WDR72: variants seen among roughly 807,000 people sequenced by gnomAD.
WDR72 encodes WD repeat-containing protein 72.
WDR72 carries 120 observed loss-of-function variants against 124.2 expected under a neutral mutation model. The observed-to-expected ratio is 0.97, with a 90% CI of 0.83 to 1.12. The LOEUF (loss-of-function observed/expected upper bound fraction) is 1.12, where lower values mean the gene tolerates loss of function less well. WDR72 is among the 50% of genes most tolerant of loss of function. The probability of loss-of-function intolerance (pLI) is 0.00; values close to 1 mark genes in which losing one functional copy is unlikely to be tolerated. For synonymous variants in WDR72, 452 were observed against 441.7 expected, an observed-to-expected ratio of 1.02 and a Z score of -0.29; for missense variants, 1,387 against 1,278.8, an observed-to-expected ratio of 1.08 and a Z score of -1.29.
chr15:53,682,064 T>C (rs2016408112), intron 13 of WDR72, among the ~76,000 whole-genome samples: 1 of 152,208 alleles, frequency 6.6e-6, no homozygotes, highest in African/African-American at 2.4e-5. Flanking sequence ...TGTGCCTGTT[T>C]TGTTGACAGC....
chr15:53,523,330 AAGAGAGAGAG>A lies in WDR72; in HGVS notation c.3149-18_3149-9del. 6.3e-7 allele frequency: 1 copy of A among 1,574,982 alleles called. No individual in the cohort carries two copies. Among genetic ancestry groups the A allele is most frequent in the South Asian group, 1.1e-5 (1 of 89,706 alleles). ...TGACCGGGCTGACTGGAGCTATTAA[AAGAGAGAGAG>A]AGAGAGAGAGAGACAGAAGAGAGAG... is the stretch of plus-strand genomic sequence containing the variant. On this transcript the variant is annotated splice_polypyrimidine_tract_variant and intron_variant, in intron 18 of 19. Transcript: ENST00000360509.
chr15:53,605,388 G>A (rs1230476499), intron 17 of WDR72, among the ~76,000 whole-genome samples: 1 of 152,140 alleles, frequency 6.6e-6, no homozygotes, highest in Non-Finnish European at 1.5e-5. Flanking sequence ...CTACTAATGA[G>A]TACTAGGCTT....
intron 1 of WDR72, among the ~76,000 whole-genome samples, chr15:53,742,321 A>G (rs1022788546): frequency 1.3e-5 from 2 of 152,216 alleles, no homozygotes; most frequent in Non-Finnish European, 1.5e-5. Flanking sequence ...AAAACTCTCT[A>G]TAGAATCTCT....
At chr15:53,679,163 C>G (rs1251725197) in intron 13 of WDR72, among the ~76,000 whole-genome samples, 1 of 152,086 alleles carries the variant, frequency 6.6e-6, no homozygotes, top group Non-Finnish European at 1.5e-5. Context: ...TGGGAAAGGA[C>G]AAATGGGGCA....
At chr15:53,702,058 T>C in intron 12 of WDR72, 76 bp downstream of exon 12, 1 of 1,150,294 alleles carries the variant, frequency 8.7e-7, no homozygotes, top group Non-Finnish European at 1.2e-6. Context: ...ATGGGTCATT[T>C]TTACTTGTCT....
rs140660845 is a variant in WDR72, at chr15:53,644,126, A to T, written c.1962+21446T>A. Among the ~76,000 whole-genome samples the T allele has an allele frequency of 2.2e-4, 33 of 152,278 alleles. No homozygotes were observed. The Middle Eastern group carries it at 0.01, about 47-fold the overall frequency. ...CAGCCTTGAAATCAAGTGATCCTTG[A>T]GTAAATTTAAATATTTGAGAGGGTA... On this transcript the variant is annotated intron_variant, in intron 14 of 19. Transcript: ENST00000360509.
At chr15:53,644,576 G>A (rs927158369) in intron 14 of WDR72, among the ~76,000 whole-genome samples, 1 of 151,918 alleles carries the variant, frequency 6.6e-6, no homozygotes, top group Non-Finnish European at 1.5e-5. Flanking sequence ...ATCTTGCAAA[G>A]ATATGAAAAA....
chr15:53,730,038 A>C (rs1328201656), intron 2 of WDR72, among the ~76,000 whole-genome samples: 1 of 152,252 alleles, frequency 6.6e-6, no homozygotes, highest in East Asian at 1.9e-4. Flanking sequence ...AAGAGTTGAA[A>C]GCAAGGATAC....
intron 18 of WDR72, among the ~76,000 whole-genome samples, chr15:53,550,319 G>T (rs998879675): frequency 8.5e-5 from 13 of 152,292 alleles, no homozygotes; most frequent in Non-Finnish European, 1.6e-4. Context: ...GATGGGTGTG[G>T]TTGTGTTCCA....
At chr15:53,594,698 A>G (rs2012684055) in intron 18 of WDR72, among the ~76,000 whole-genome samples, 1 of 150,976 alleles carries the variant, frequency 6.6e-6, no homozygotes, top group Non-Finnish European at 1.5e-5. Context: ...AAGCTGACGC[A>G]GGAGGATCAT....
intron 16 of WDR72, among the ~76,000 whole-genome samples, chr15:53,612,645 G>A (rs1416214862): frequency 1.3e-5 from 2 of 152,060 alleles, no homozygotes; most frequent in Admixed American, 6.6e-5. Flanking sequence ...GGGTGTATAT[G>A]TGATGACATA....
At position 53,659,945 on chromosome 15, in the gene WDR72, T is replaced by C. The variant is rs557158200; in HGVS notation, c.1962+5627A>G. 2.1e-3 allele frequency among the ~76,000 whole-genome samples: 326 copies of C among 152,200 alleles called. 1 individual carries two copies. Among genetic ancestry groups the C allele is most frequent in the African/African-American group, 7.6e-3 (317 of 41,564 alleles). ...TAAGTTGAGATTCACCAAATCAAAATACTTAAAACAGAAATCTTAATCCAA... is the reference window on the plus strand; with the variant it reads ...TAAGTTGAGATTCACCAAATCAAAACACTTAAAACAGAAATCTTAATCCAA... On this transcript the variant is annotated intron_variant, in intron 14 of 19. Coordinates refer to ENST00000360509, the MANE Select transcript of WDR72 (RefSeq NM_182758.4).
chr15:53,629,721 C>T (rs1269589820), intron 14 of WDR72, among the ~76,000 whole-genome samples: 1 of 152,058 alleles, frequency 6.6e-6, no homozygotes, highest in Admixed American at 6.6e-5. Context: ...CAGTGAGTGT[C>T]CTAGCATTTT....
intron 18 of WDR72, among the ~76,000 whole-genome samples, chr15:53,588,689 G>A (rs2012345543): frequency 6.6e-6 from 1 of 152,008 alleles, no homozygotes; most frequent in East Asian, 1.9e-4. Flanking sequence ...CTGCTGAGAA[G>A]ACAAAGCTCT....
At position 53,623,479 on chromosome 15, in the gene WDR72, T is replaced by TTATATATA. The variant is rs139646158; in HGVS notation, c.1963-7244_1963-7237dup. Among the ~76,000 whole-genome samples, 388 of 149,490 alleles carry TTATATATA rather than the reference T, an allele frequency of 2.6e-3. 2 individuals carry two copies. Among genetic ancestry groups the TTATATATA allele is most frequent in the African/African-American group, 9.0e-3 (364 of 40,602 alleles). On this transcript the variant is annotated intron_variant, in intron 14 of 19. Coordinates refer to ENST00000360509, the MANE Select transcript of WDR72 (RefSeq NM_182758.4). Reference sequence around the variant, plus strand: ...TTTTTTATGGCTAAATAGCATTATATTATATATATATATATACACACATAC... The same window carrying TTATATATA: ...TTTTTTATGGCTAAATAGCATTATATTATATATATATATATATATATATACACACATAC...
At chr15:53,621,317 A>T (rs1052428252) in intron 14 of WDR72, among the ~76,000 whole-genome samples, 1 of 151,690 alleles carries the variant, frequency 6.6e-6, no homozygotes, top group Non-Finnish European at 1.5e-5. Context: ...AAAATAAGTC[A>T]TTATATGAAA....
intron 13 of WDR72, among the ~76,000 whole-genome samples, chr15:53,676,999 C>T (rs1196370490): frequency 6.6e-6 from 1 of 150,400 alleles, no homozygotes; most frequent in Non-Finnish European, 1.5e-5. Context: ...CGGCTCACTG[C>T]AAGCTCTGCC....
At chr15:53,597,320 A>G in intron 17 of WDR72, 46 bp from the exon 18 acceptor site, 1 of 1,585,870 alleles carries the variant, frequency 6.3e-7, no homozygotes, top group Non-Finnish European at 8.6e-7. Flanking sequence ...ATTATTACAA[A>G]TGCTTGGGTA....
At chr15:53,673,179 T>C (rs1053747671) in intron 13 of WDR72, among the ~76,000 whole-genome samples, 5 of 152,152 alleles carry the variant, frequency 3.3e-5, no homozygotes, top group African/African-American at 1.2e-4. Context: ...CATTGACATT[T>C]ACTTTCCAAA....
Sources: gnomAD v4.1 joint callset for allele counts (sites outside exome capture counted in the v4.1 genomes callset) on GRCh38, gnomAD v4.1.1 for gene constraint, MANE v1.5 for transcripts, NCBI Gene and HGNC (gene_info 2026-07-23, HGNC 2026-07-21) for gene names.